TECTA: variants seen among roughly 807,000 people sequenced by gnomAD.
TECTA encodes the protein alpha-tectorin.
Under a neutral mutation model 216.8 loss-of-function variants are expected in TECTA, and 128 were observed. That is an observed-to-expected ratio of 0.59 (90% CI 0.51 to 0.68). The LOEUF (loss-of-function observed/expected upper bound fraction) is 0.68, where lower values mean the gene tolerates loss of function less well. Among genes scored for constraint, TECTA ranks in the 30% least tolerant of loss-of-function variants. The pLI is 0.00. For synonymous variants in TECTA, 1,089 were observed against 1,117.1 expected, an observed-to-expected ratio of 0.97 and a Z score of 0.50; for missense variants, 2,551 against 2,786.2, an observed-to-expected ratio of 0.92 and a Z score of 1.90.
In TECTA at chr11:121,157,949, C is replaced by A; in HGVS notation, c.4414C>A (p.Leu1472Met). Reference sequence around the variant, plus strand: ...ATGCAAGTCAGACGAGGAGTGTGCGCTGCGCAACGGGGTGCGCGGCTGCTT... The same window carrying A: ...ATGCAAGTCAGACGAGGAGTGTGCGATGCGCAACGGGGTGCGCGGCTGCTT... ...RQCKSDEECA[L>M]RNGVRGCFST... is the part of the protein sequence containing the mutation. The change falls in exon 14 of 24, where the codon CTG becomes ATG. Residue 1472 changes from leucine (L) to methionine (M), a missense_variant. Leu to Met is a conservative substitution (Grantham distance 15). This residue lies in a region of TECTA where 2,375 missense variants were observed against 2,563.9 expected (regional missense o/e 0.93). Transcript: ENST00000392793. 6.2e-7 allele frequency: 1 copy of A among 1,613,972 alleles called. No individual in the cohort carries two copies.
In TECTA at chr11:121,118,562, C is replaced by A. The variant is rs951956643; in HGVS notation, c.1047C>A (p.Ala349=). Residue 349 remains alanine, a synonymous_variant, in exon 7 of 24, where the codon GCC becomes GCA. Coordinates refer to ENST00000392793, the MANE Select transcript of TECTA (RefSeq NM_005422.4). ...AAGGCTCCTGTGCCTACTTGCTGGC[C>A]CGACAGTGTTTGCAGACTTCCAGCC... ...HFQGSCAYLL[A]RQCLQTSSLP... The A allele has an allele frequency of 9.9e-6, 16 of 1,614,060 alleles. 1 individual carries two copies. In the African/African-American group the frequency reaches 1.1e-4, roughly 11 times the overall value.
intron 20 of TECTA, among the ~76,000 whole-genome samples, chr11:121,171,040 C>G (rs1365178248): frequency 6.6e-6 from 1 of 152,064 alleles, no homozygotes; most frequent in Non-Finnish European, 1.5e-5. Flanking sequence ...TTGTTTTCTT[C>G]TAGTAGCTTT....
chr11:121,117,438 G>A (rs1946511603), intron 6 of TECTA, among the ~76,000 whole-genome samples: 1 of 152,144 alleles, frequency 6.6e-6, no homozygotes, highest in South Asian at 2.1e-4. Flanking sequence ...GTTGATGTTA[G>A]CAACCAGAAA....
intron 16 of TECTA, among the ~76,000 whole-genome samples, chr11:121,162,826 C>T (rs1198133309): frequency 6.6e-6 from 1 of 152,194 alleles, no homozygotes; most frequent in African/African-American, 2.4e-5. Context: ...AAGGAAGCTG[C>T]AGTTCGATTG....
intron 7 of TECTA, among the ~76,000 whole-genome samples, chr11:121,120,978 C>G (rs1051746397): frequency 4.6e-5 from 7 of 152,174 alleles, no homozygotes; most frequent in Non-Finnish European, 8.8e-5. Flanking sequence ...GGCAGAGCTC[C>G]TGGGCTGTAG....
At position 121,113,572 on chromosome 11, in the gene TECTA, A is replaced by AC. The variant is rs1374070413; in HGVS notation, c.646dup (p.Leu216ProfsTer33). 4.3e-6 allele frequency: 7 copies of AC among 1,613,708 alleles called. No individual in the cohort carries two copies. Among genetic ancestry groups the AC allele is most frequent in the Non-Finnish European group, 5.9e-6 (7 of 1,179,996 alleles). Reference sequence around the variant, plus strand: ...CTGCAGGCAGGATTTAATGGTGGAAACCTCACCAATTTCTTCAGCCTCCCG... The same window carrying AC: ...CTGCAGGCAGGATTTAATGGTGGAAACCCTCACCAATTTCTTCAGCCTCCCG... On this transcript the variant is annotated frameshift_variant, in exon 6 of 24. Transcript: ENST00000392793. LOFTEE classifies it high-confidence loss of function. The surrounding 1 kb of genome is among the most constrained non-coding windows in gnomAD (Gnocchi z 4.2).
rs1288397432 is a variant in TECTA at position 121,162,295 on chromosome 11, T to A, written c.5197T>A (p.Ser1733Thr). The change falls in exon 16 of 24, where the codon TCC becomes ACC. Residue 1733 changes from serine to threonine, a missense_variant. Ser to Thr is a moderately conservative substitution (Grantham distance 58). Coordinates refer to ENST00000392793, the MANE Select transcript of TECTA (RefSeq NM_005422.4). ...YSHKKFQLCG[S>T]LAAYGEACRS... is the part of the protein sequence containing the mutation. ...CCACAAGAAGTTCCAGCTGTGCGGCTCCCTGGCCGCCTACGGGGAGGCCTG... is the reference window on the plus strand; with the variant it reads ...CCACAAGAAGTTCCAGCTGTGCGGCACCCTGGCCGCCTACGGGGAGGCCTG... The A allele has an allele frequency of 1.2e-6, 2 of 1,613,576 alleles. No homozygotes were observed. The highest frequency in any genetic ancestry group is 1.7e-6 in the Non-Finnish European group (2 of 1,180,050).
Position 121,151,161 on chromosome 11 carries a change from T to C in TECTA, c.4106-1720T>C, listed in dbSNP as rs780262380. Among the ~76,000 whole-genome samples the C allele has an allele frequency of 2.0e-5, 3 of 152,268 alleles. No homozygotes were observed. In the South Asian group the frequency reaches 6.2e-4, roughly 32 times the overall value. On this transcript the variant is annotated intron_variant, in intron 12 of 23. Coordinates refer to ENST00000392793, the MANE Select transcript of TECTA (RefSeq NM_005422.4). The stretch of plus-strand genomic sequence containing the variant: ...AACCTTGTTTCCAAGGATCAGACAA[T>C]TTGGTGATAAGACAATCAAGGAGAG...
chr11:121,161,316 T>C (rs1357546520), intron 15 of TECTA, among the ~76,000 whole-genome samples: 1 of 152,144 alleles, frequency 6.6e-6, no homozygotes, highest in Non-Finnish European at 1.5e-5. Flanking sequence ...AGGCCCCATA[T>C]ATGGCAAAGC....
intron 20 of TECTA, among the ~76,000 whole-genome samples, chr11:121,186,488 T>C (rs937459305): frequency 6.6e-6 from 1 of 152,220 alleles, no homozygotes; most frequent in Non-Finnish European, 1.5e-5. Flanking sequence ...AAATGTCAAG[T>C]CATCTCCTTG....
chr11:121,114,495 T>A (rs1275727014), intron 6 of TECTA, among the ~76,000 whole-genome samples: 1 of 152,156 alleles, frequency 6.6e-6, no homozygotes, highest in Admixed American at 6.5e-5. Context: ...ATATTTCTAC[T>A]TCCAGGAGTA....
intron 20 of TECTA, among the ~76,000 whole-genome samples, chr11:121,177,619 G>A (rs1947181643): frequency 6.6e-6 from 1 of 152,200 alleles, no homozygotes; most frequent in South Asian, 2.1e-4. Context: ...CTGCTCGGGG[G>A]TCAGGGGTCA....
At chr11:121,179,112 T>C (rs1373340292) in intron 20 of TECTA, among the ~76,000 whole-genome samples, 6 of 152,090 alleles carry the variant, frequency 3.9e-5, no homozygotes, top group Non-Finnish European at 7.4e-5. Flanking sequence ...TATTATATTT[T>C]TCCTTCTACT....
At chr11:121,146,500 G>A (rs959657636) in intron 12 of TECTA, among the ~76,000 whole-genome samples, 6 of 152,134 alleles carry the variant, frequency 3.9e-5, no homozygotes, top group Non-Finnish European at 8.8e-5. Flanking sequence ...TTAATAATCC[G>A]CATGCTTTGT....
intron 7 of TECTA, among the ~76,000 whole-genome samples, chr11:121,122,679 AAAAAAAAAAAAAAAG>A (rs1381642934): frequency 1.4e-5 from 2 of 140,158 alleles, no homozygotes; most frequent in Non-Finnish European, 3.1e-5. Context: ...CTCCAAAAAA[AAAAAAAAAAAAAAAG>A]AAAGCCAAAA....
chr11:121,152,130 A>G (rs1946896173), intron 12 of TECTA, among the ~76,000 whole-genome samples: 1 of 152,258 alleles, frequency 6.6e-6, no homozygotes, highest in African/African-American at 2.4e-5. Flanking sequence ...ACCCTTCACC[A>G]GGACCCTACC....
intron 20 of TECTA, among the ~76,000 whole-genome samples, chr11:121,175,320 G>T (rs1286478662): frequency 1.3e-5 from 2 of 151,908 alleles, no homozygotes; most frequent in African/African-American, 4.8e-5. Flanking sequence ...GCTTTCTCTT[G>T]TGGGCATTTA....
intron 17 of TECTA, among the ~76,000 whole-genome samples, 160 bp from the exon 18 acceptor site, chr11:121,166,418 T>C (rs1488200590): frequency 1.3e-5 from 2 of 152,244 alleles, no homozygotes; most frequent in Non-Finnish European, 2.9e-5. Context: ...TGAATTCATA[T>C]GCTCATTTGG....
rs530462783 is a variant in TECTA at position 121,130,044 on chromosome 11, A to C, written c.2774A>C (p.Glu925Ala). The part of the protein sequence containing the change: ...INDPSNSSFL[E>A]CHGVVNVTAY... ...GACCCCTCCAACAGCTCCTTCCTGG[A>C]GTGCCATGGGGTGGTGAACGTCACT... Residue 925 changes from glutamate to alanine, a missense_variant, in exon 10 of 24, where the codon GAG (glutamate) becomes GCG (alanine). Glu to Ala is a moderately radical substitution (Grantham distance 107). Around this residue, in one of 3 missense-constraint regions of TECTA, gnomAD observed 2,375 missense variants for 2,563.9 expected, o/e 0.93. Transcript: ENST00000392793. 16 of 1,613,474 alleles carry C rather than the reference A, an allele frequency of 9.9e-6. No individual in the cohort carries two copies. The highest frequency in any genetic ancestry group is 1.3e-5 in the African/African-American group (1 of 75,032).
Sources: gnomAD v4.1 joint callset for allele counts (sites outside exome capture counted in the v4.1 genomes callset) on GRCh38, gnomAD v4.1.1 for gene constraint, gnomAD v4.1.1 regional missense constraint, Gnocchi (gnomAD v3.1) non-coding constraint, MANE v1.5 for transcripts, NCBI Gene and HGNC (gene_info 2026-07-23, HGNC 2026-07-21) for gene names.